EXOC5: variants seen among roughly 807,000 people sequenced by gnomAD.
EXOC5 encodes SEC10-like 1.
EXOC5 carries 17 observed loss-of-function variants against 90.8 expected under a neutral mutation model. The observed-to-expected ratio is 0.19, with a 90% CI of 0.13 to 0.28. The LOEUF (loss-of-function observed/expected upper bound fraction) is 0.28, where lower values mean the gene tolerates loss of function less well. Ranked by LOEUF, EXOC5 falls within the 10% of genes least tolerant of loss-of-function variation. The probability of loss-of-function intolerance (pLI) is 1.00; values close to 1 mark genes in which losing one functional copy is unlikely to be tolerated. For synonymous variants in EXOC5, 260 were observed against 270.0 expected (o/e 0.96, Z 0.36); for missense variants, 569 against 830.6 (o/e 0.69, Z 3.87).
intron 5 of EXOC5, 37 bp downstream of exon 5, chr14:57,239,558 C>T (rs1363490033): frequency 1.9e-6 from 2 of 1,081,084 alleles, no homozygotes; most frequent in Admixed American, 5.1e-5. Context: ...ATAAATTATA[C>T]CACATATTCA....
chr14:57,210,050 C>A lies in EXOC5; in HGVS notation c.1625G>T (p.Cys542Phe). ...LDTGIDRTLN[C>F]MIGQMKHILA... ...AATATGCTTCATCTGTCCAATCATA[C>A]AATTTAATGTCCTAGAGAATTGAGA... is the stretch of plus-strand genomic sequence containing the variant. The change falls in exon 16 of 18, where the codon TGT (cysteine) becomes TTT (phenylalanine). Residue 542 changes from cysteine (C) to phenylalanine (F), a missense_variant. Physicochemically the swap from Cys to Phe is radical, Grantham distance 205. Around this residue, in one of 9 missense-constraint regions of EXOC5, gnomAD observed 34 missense variants for 101.1 expected, o/e 0.34. Coordinates refer to ENST00000621441, the MANE Select transcript of EXOC5 (RefSeq NM_006544.4). 1 of 1,549,702 alleles carries A rather than the reference C, an allele frequency of 6.5e-7. No individual in the cohort carries two copies. The highest frequency in any genetic ancestry group is 8.9e-7 in the Non-Finnish European group (1 of 1,124,592).
At chr14:57,245,634 A>G (rs1001769527) in intron 3 of EXOC5, among the ~76,000 whole-genome samples, 8 of 152,200 alleles carry the variant, frequency 5.3e-5, no homozygotes, top group African/African-American at 1.9e-4. Context: ...TCATAGCCAC[A>G]TATGTTTAAG....
intron 1 of EXOC5, among the ~76,000 whole-genome samples, chr14:57,262,085 A>G (rs1460456598): frequency 1.3e-5 from 2 of 152,162 alleles, no homozygotes; most frequent in Non-Finnish European, 1.5e-5. Context: ...CTCTGAGTCA[A>G]CTGAGACTGA....
intron 3 of EXOC5, among the ~76,000 whole-genome samples, chr14:57,245,682 A>G (rs1884011825): frequency 6.6e-6 from 1 of 152,204 alleles, no homozygotes; most frequent in Non-Finnish European, 1.5e-5. Flanking sequence ...AGCAGCAATC[A>G]GTTTGCTAAT....
At position 57,225,562 on chromosome 14, in the gene EXOC5, TC is replaced by T. The variant is rs558819688; in HGVS notation, c.1297-3147del. 5.6e-4 allele frequency among the ~76,000 whole-genome samples: 83 copies of T among 147,480 alleles called. 1 individual carries two copies. The highest frequency in any genetic ancestry group is 2.0e-3 in the African/African-American group (79 of 38,612). ...TATTTATGGGCTGATAATATGATAA[TC>T]TACACAGAAAAGCCAGTGGAATCTA... On this transcript the variant is annotated intron_variant, in intron 12 of 17. Coordinates refer to ENST00000621441, the MANE Select transcript of EXOC5 (RefSeq NM_006544.4).
chr14:57,231,845 G>T, intron 10 of EXOC5, 130 bp from the exon 11 acceptor site: 2 of 616,538 alleles, frequency 3.2e-6, no homozygotes, highest in Non-Finnish European at 5.6e-6. Flanking sequence ...AACTCTGGGA[G>T]AGTACTTATG....
chr14:57,211,251 C>A (rs1882817106), intron 15 of EXOC5, among the ~76,000 whole-genome samples: 1 of 152,150 alleles, frequency 6.6e-6, no homozygotes, highest in Non-Finnish European at 1.5e-5. Flanking sequence ...TGATTTGGAA[C>A]CATTTTGGCT....
At chr14:57,224,224 T>TA (rs934038875) in intron 12 of EXOC5, among the ~76,000 whole-genome samples, 1 of 151,022 alleles carries the variant, frequency 6.6e-6, no homozygotes, top group Admixed American at 6.6e-5. Context: ...ACAGAAGTAA[T>TA]AAAGAGTAGA....
Position 57,244,276 on chromosome 14 carries a change from C to T in EXOC5, c.354G>A (p.Glu118=), listed in dbSNP as rs1594673231. 13 of 1,613,470 alleles carry T rather than the reference C, an allele frequency of 8.1e-6. No homozygotes were observed. The East Asian group carries it at 2.9e-4, about 36-fold the overall frequency. Residue 118 remains glutamate (E), a synonymous_variant, in exon 4 of 18, where the codon GAG becomes GAA. Coordinates refer to ENST00000621441, the MANE Select transcript of EXOC5 (RefSeq NM_006544.4). ...CCCGTTGTCTGGGTGTGTTTACCCC[C>T]TCTAACTGGTCTCCAAGGTGACAGA... ...TKVCHLGDQL[E]GVNTPRQRAV... is the part of the protein sequence containing the mutation.
At chr14:57,226,098 A>C (rs1883299302) in intron 12 of EXOC5, among the ~76,000 whole-genome samples, 1 of 152,202 alleles carries the variant, frequency 6.6e-6, no homozygotes, top group African/African-American at 2.4e-5. Flanking sequence ...GGATGACTTG[A>C]GTTCTCTCCT....
rs1434641860 is a variant in EXOC5, at chr14:57,259,757, T to C, written c.27+8865A>G. On this transcript the variant is annotated intron_variant, in intron 1 of 17. Coordinates refer to ENST00000621441, the MANE Select transcript of EXOC5 (RefSeq NM_006544.4). Reference sequence around the variant, plus strand: ...AACATTACTAATTGTCATTTTGTCATTTATTGATTTAGAATCATTTTCATA... The same window carrying C: ...AACATTACTAATTGTCATTTTGTCACTTATTGATTTAGAATCATTTTCATA... Among the ~76,000 whole-genome samples the C allele has an allele frequency of 3.3e-5, 5 of 152,246 alleles. No individual in the cohort carries two copies. In the East Asian group the frequency reaches 9.6e-4, roughly 29 times the overall value.
chr14:57,255,114 A>G (rs893875385), intron 1 of EXOC5, among the ~76,000 whole-genome samples: 1 of 152,180 alleles, frequency 6.6e-6, no homozygotes, highest in African/African-American at 2.4e-5. Context: ...CTCTGAGCAC[A>G]TGAACAAAGC....
chr14:57,222,442 C>G (rs771646135), intron 12 of EXOC5, 26 bp from the exon 13 acceptor site: 16 of 1,331,490 alleles, frequency 1.2e-5, no homozygotes, highest in Non-Finnish European at 6.4e-6. Flanking sequence ...CAAACAATAT[C>G]ACTCCTCAAG....
In EXOC5 at chr14:57,210,856, C is replaced by G. The variant is rs550152869; in HGVS notation, c.1614-795G>C. 6.6e-5 allele frequency among the ~76,000 whole-genome samples: 10 copies of G among 152,266 alleles called. No individual in the cohort carries two copies. The East Asian group carries it at 1.9e-3, about 29-fold the overall frequency. Reference sequence around the variant, plus strand: ...CCACAATACCTGTTTGCCTGTTAAACAACAACAATGTAGCAGGTTTTCAGT... The same window carrying G: ...CCACAATACCTGTTTGCCTGTTAAAGAACAACAATGTAGCAGGTTTTCAGT... On this transcript the variant is annotated intron_variant, in intron 15 of 17. Coordinates refer to ENST00000621441, the MANE Select transcript of EXOC5 (RefSeq NM_006544.4).
intron 6 of EXOC5, 93 bp downstream of exon 6, chr14:57,237,245 A>G: frequency 2.7e-6 from 2 of 740,112 alleles, no homozygotes; most frequent in Non-Finnish European, 4.8e-6. Context: ...GGAAGATGAC[A>G]TTGTTCCTGC....
At chr14:57,224,967 C>T (rs192884137) in intron 12 of EXOC5, among the ~76,000 whole-genome samples, 20 of 152,094 alleles carry the variant, frequency 1.3e-4, no homozygotes, top group Admixed American at 3.9e-4. Flanking sequence ...GAGGCTGAGG[C>T]AGGAGAATCG....
intron 14 of EXOC5, 80 bp downstream of exon 14, chr14:57,219,242 T>A: frequency 1.3e-6 from 1 of 783,466 alleles, no homozygotes; most frequent in Non-Finnish European, 1.8e-6. Flanking sequence ...CTTTTTAAAT[T>A]TAATGAAAAT....
intron 1 of EXOC5, among the ~76,000 whole-genome samples, chr14:57,262,602 T>A (rs938051396): frequency 6.8e-6 from 1 of 147,218 alleles, no homozygotes; most frequent in African/African-American, 2.5e-5. Context: ...ATATATTAAG[T>A]ATATATATAC....
At chr14:57,226,818 T>C (rs1883322191) in intron 12 of EXOC5, among the ~76,000 whole-genome samples, 1 of 152,170 alleles carries the variant, frequency 6.6e-6, no homozygotes, top group Non-Finnish European at 1.5e-5. Context: ...CAATACTGTA[T>C]AACTTAACTC....
Sources: allele counts gnomAD v4.1 joint callset (sites outside exome capture counted in the v4.1 genomes callset), GRCh38; gene constraint gnomAD v4.1.1; regional missense constraint gnomAD v4.1.1; transcripts MANE v1.5; gene names NCBI Gene and HGNC (gene_info 2026-07-23, HGNC 2026-07-21).